Variants in BTBD8 observed in about 807,000 individuals in gnomAD.
BTBD8 encodes the protein BTB/POZ domain-containing protein 8.
Under a neutral mutation model 162.9 loss-of-function variants are expected in BTBD8, and 110 were observed. That is an observed-to-expected ratio of 0.68 (90% CI 0.58 to 0.79). BTBD8 has a LOEUF of 0.79. Ranked by LOEUF, BTBD8 falls within the 30% of genes least tolerant of loss-of-function variation. The pLI is 0.00. For synonymous variants in BTBD8, 667 were observed against 716.1 expected (o/e 0.93, Z 1.10); for missense variants, 1,905 against 2,085.4 (o/e 0.91, Z 1.68).
At chr1:92,146,629 C>A (rs1325638603) in intron 7 of BTBD8, among the ~76,000 whole-genome samples, 1 of 152,170 alleles carries the variant, frequency 6.6e-6, no homozygotes, top group African/African-American at 2.4e-5. Context: ...TCCCCATTAA[C>A]CCCCAGCAAC....
intron 2 of BTBD8, among the ~76,000 whole-genome samples, chr1:92,092,714 A>C (rs1648346214): frequency 6.6e-6 from 1 of 152,106 alleles, no homozygotes. Flanking sequence ...GGTGCCACTT[A>C]TCTGTTTTGA....
chr1:92,104,121 A>G (rs1179197686), intron 3 of BTBD8, among the ~76,000 whole-genome samples: 3 of 152,242 alleles, frequency 2.0e-5, no homozygotes, highest in African/African-American at 4.8e-5. Context: ...TGCGAAATTC[A>G]TGTTATGCTC....
At chr1:92,082,023 G>A (rs775483056) in intron 1 of BTBD8, among the ~76,000 whole-genome samples, 1 of 152,148 alleles carries the variant, frequency 6.6e-6, no homozygotes, top group Non-Finnish European at 1.5e-5. Context: ...ACCAGGGAGG[G>A]ACTGATGAAA....
chr1:92,083,191 C>T (rs1443453634), intron 1 of BTBD8, among the ~76,000 whole-genome samples: 1 of 151,892 alleles, frequency 6.6e-6, no homozygotes, highest in African/African-American at 2.4e-5. Flanking sequence ...AATCTGGCTC[C>T]AGAGACTTTC....
At chr1:92,159,023 T>C (rs1650225029) in intron 9 of BTBD8, among the ~76,000 whole-genome samples, 1 of 152,182 alleles carries the variant, frequency 6.6e-6, no homozygotes, top group Non-Finnish European at 1.5e-5. Flanking sequence ...TCTGAAAGTG[T>C]TGGAATACAG....
intron 13 of BTBD8, among the ~76,000 whole-genome samples, chr1:92,173,969 G>A (rs1431225793): frequency 6.6e-6 from 1 of 152,006 alleles, no homozygotes; most frequent in African/African-American, 2.4e-5. Context: ...GGTGGTTGTT[G>A]TTGCCTGCTT....
In BTBD8 at chr1:92,178,312, T is replaced by C; in HGVS notation, c.2442T>C (p.Ser814=). The change falls in exon 16 of 18, where the codon AGT becomes AGC. Residue 814 remains serine, a splice_region_variant and synonymous_variant. Transcript: ENST00000636805. ...IHEQDTNVNN[S]VLKKVSGKGC... is the part of the protein sequence containing the mutation. ...ACTGAATGCAAATAATTTTTTTTAG[T>C]GTACTAAAGAAAGTCAGTGGCAAAG... 6.5e-7 allele frequency: 1 copy of C among 1,545,306 alleles called. No individual in the cohort carries two copies. Among genetic ancestry groups the C allele is most frequent in the Non-Finnish European group, 8.7e-7 (1 of 1,144,856 alleles).
chr1:92,136,965 A>G (rs1201374232), intron 5 of BTBD8, among the ~76,000 whole-genome samples: 1 of 152,170 alleles, frequency 6.6e-6, no homozygotes, highest in Non-Finnish European at 1.5e-5. Context: ...CCTTGGGTAC[A>G]TTAGGAAACA....
intron 4 of BTBD8, among the ~76,000 whole-genome samples, chr1:92,111,086 G>A (rs1648879582): frequency 6.6e-6 from 1 of 151,654 alleles, no homozygotes; most frequent in African/African-American, 2.4e-5. Context: ...CTGCCCCCCG[G>A]GTTCAAGGGA....
In BTBD8 at chr1:92,128,342, A is replaced by C. The variant is rs552906262; in HGVS notation, c.663-1345A>C. On this transcript the variant is annotated intron_variant, in intron 4 of 17. Coordinates refer to ENST00000636805, the MANE Select transcript of BTBD8 (RefSeq NM_001376131.1). Reference sequence around the variant, plus strand: ...CGCCCAGGCTGGAGTGCAGTGGTGCAATCTCGGCTCACTGCAAGCTCCGCC... The same window carrying C: ...CGCCCAGGCTGGAGTGCAGTGGTGCCATCTCGGCTCACTGCAAGCTCCGCC... Among the ~76,000 whole-genome samples the C allele has an allele frequency of 2.0e-5, 3 of 149,578 alleles. No homozygotes were observed. In the South Asian group the frequency reaches 6.4e-4, roughly 32 times the overall value.
chr1:92,177,292 TAAA>T lies in BTBD8; in HGVS notation c.2100_2102del (p.Leu700_Asn701delinsPhe). 1 of 1,552,010 alleles carries T rather than the reference TAAA, an allele frequency of 6.4e-7. No homozygotes were observed. Among genetic ancestry groups the T allele is most frequent in the Non-Finnish European group, 8.7e-7 (1 of 1,147,082 alleles). On this transcript the variant is annotated inframe_deletion, in exon 14 of 18. Coordinates refer to ENST00000636805, the MANE Select transcript of BTBD8 (RefSeq NM_001376131.1). ...AGACCCAAGGTACTCACAGGAAACT[TAAA>T]TGTGCAAGCCAAAGCAAAGCCTTTG...
At chr1:92,086,288 G>A (rs1296347093) in intron 1 of BTBD8, among the ~76,000 whole-genome samples, 1 of 152,070 alleles carries the variant, frequency 6.6e-6, no homozygotes, top group African/African-American at 2.4e-5. Flanking sequence ...TTGGCACAGA[G>A]CTTGGTGTTC....
In BTBD8 at chr1:92,144,945, A is replaced by G. The variant is rs141294377; in HGVS notation, c.931-2235A>G. Among the ~76,000 whole-genome samples, 268 of 152,246 alleles carry G rather than the reference A, an allele frequency of 1.8e-3. 3 individuals are homozygous for G. The highest frequency in any genetic ancestry group is 5.9e-3 in the African/African-American group (245 of 41,544). On this transcript the variant is annotated intron_variant, in intron 7 of 17. Coordinates refer to ENST00000636805, the MANE Select transcript of BTBD8 (RefSeq NM_001376131.1). ...TTAATATGCAAAGCAAAATATTTAC[A>G]TTCAATTTCTTTTTTGTTGTTGTTT... is the stretch of plus-strand genomic sequence containing the variant.
At chr1:92,138,232 A>G (rs1221289492) in intron 5 of BTBD8, among the ~76,000 whole-genome samples, 1 of 152,200 alleles carries the variant, frequency 6.6e-6, no homozygotes, top group Non-Finnish European at 1.5e-5. Context: ...TTAGTTGGGT[A>G]TGAAAAGAAT....
chr1:92,108,632 C>G (rs1332453829), intron 4 of BTBD8, among the ~76,000 whole-genome samples: 1 of 152,108 alleles, frequency 6.6e-6, no homozygotes, highest in Non-Finnish European at 1.5e-5. Context: ...TTTAGTCAGG[C>G]TCTTTGATTG....
At chr1:92,143,309 TA>T (rs1233099708) in intron 7 of BTBD8, among the ~76,000 whole-genome samples, 12 of 152,148 alleles carry the variant, frequency 7.9e-5, no homozygotes, top group African/African-American at 2.9e-4. Context: ...CCATTGCCTC[TA>T]TTTTTTTTTT....
At chr1:92,118,926 T>C (rs1397620189) in intron 4 of BTBD8, among the ~76,000 whole-genome samples, 2 of 150,020 alleles carry the variant, frequency 1.3e-5, no homozygotes, top group African/African-American at 4.9e-5. Context: ...GTGTTGAGCA[T>C]TTTCTTACTT....
intron 14 of BTBD8, 123 bp downstream of exon 14, chr1:92,177,669 A>G (rs1446548250): frequency 4.9e-6 from 4 of 819,496 alleles, no homozygotes; most frequent in Non-Finnish European, 5.9e-6. Flanking sequence ...ACTTATGTAT[A>G]TGTACTTATG....
intron 12 of BTBD8, among the ~76,000 whole-genome samples, chr1:92,169,342 C>T (rs1229738550): frequency 6.6e-6 from 1 of 152,080 alleles, no homozygotes; most frequent in Non-Finnish European, 1.5e-5. Flanking sequence ...ACTTTTTCCT[C>T]CTTTTTAAAT....
Sources: allele counts gnomAD v4.1 joint callset (sites outside exome capture counted in the v4.1 genomes callset), GRCh38; gene constraint gnomAD v4.1.1; transcripts MANE v1.5; gene names NCBI Gene and HGNC (gene_info 2026-07-23, HGNC 2026-07-21).